PIGG: variants seen among roughly 807,000 people sequenced by gnomAD.
PIGG encodes the protein GPI ethanolamine phosphate transferase 2, catalytic subunit.
A neutral mutation model predicts 83.2 loss-of-function variants in PIGG; 70 were observed. The observed-to-expected ratio is 0.84, with a 90% CI of 0.69 to 1.03. The LOEUF (loss-of-function observed/expected upper bound fraction) is 1.03, where lower values mean the gene tolerates loss of function less well. PIGG is among the 50% of genes least tolerant of loss of function. PIGG has a pLI of 0.00. For synonymous variants in PIGG, 532 were observed against 519.5 expected, an observed-to-expected ratio of 1.02 and a Z score of -0.33; for missense variants, 1,257 against 1,233.6, an observed-to-expected ratio of 1.02 and a Z score of -0.28.
At chr4:536,084 C>A (rs1343948409) in intron 12 of PIGG, among the ~76,000 whole-genome samples, 6 of 152,242 alleles carry the variant, frequency 3.9e-5, no homozygotes, top group Admixed American at 3.9e-4. Context: ...TGTGTTGAGG[C>A]TCTCACAGCA....
intron 11 of PIGG, chr4:532,926 C>T (rs796416958): frequency 8.8e-6 from 1 of 114,222 alleles, no homozygotes; most frequent in African/African-American, 4.2e-5. Context: ...AGAGGTGGGG[C>T]CTAGGAGTGG....
rs749071064 is a variant in PIGG, at chr4:530,729, C to A, written c.2555C>A (p.Ala852Glu). 4 of 1,606,726 alleles carry A rather than the reference C, an allele frequency of 2.5e-6. No homozygotes were observed. In the East Asian group the frequency reaches 8.9e-5, roughly 36 times the overall value. ...GTGATGCATTATTGGTTTGGTCAAG[C>A]ATTCTTCTATTTTCAGGTAGGTTTT... is the stretch of plus-strand genomic sequence containing the variant. ...ITVMHYWFGQAFFYFQGNSNN... is the reference protein window; with the variant it reads ...ITVMHYWFGQEFFYFQGNSNN... Residue 852 changes from alanine to glutamate, a missense_variant, in exon 11 of 13, where the codon GCA becomes GAA. Physicochemically the swap from Ala to Glu is moderately radical, Grantham distance 107. Coordinates refer to ENST00000453061, the MANE Select transcript of PIGG (RefSeq NM_001127178.3).
At chr4:504,590 C>A (rs1047697324) in intron 2 of PIGG, among the ~76,000 whole-genome samples, 2 of 152,118 alleles carry the variant, frequency 1.3e-5, no homozygotes, top group African/African-American at 4.8e-5. Context: ...CTGTGGCATT[C>A]CAGAAGTCTG....
chr4:538,128 A>G (rs1731171287), intron 12 of PIGG, among the ~76,000 whole-genome samples: 1 of 148,216 alleles, frequency 6.7e-6, no homozygotes, highest in African/African-American at 2.6e-5. Flanking sequence ...ACACACCCAG[A>G]CACACACACG....
At chr4:500,188 T>C in intron 1 of PIGG, 1 of 588,618 alleles carries the variant, frequency 1.7e-6, no homozygotes, top group East Asian at 2.9e-5. Flanking sequence ...CACTGCTTGC[T>C]ACTGTGGGTC....
At chr4:525,501 C>G (rs528780020) in intron 9 of PIGG, 6 of 264,264 alleles carry the variant, frequency 2.3e-5, no homozygotes, top group Non-Finnish European at 3.5e-5. Context: ...GAGGGCACTT[C>G]CAGTTAAATG....
rs779237469 is a variant in PIGG, at chr4:523,818, G to A, written c.1974G>A (p.Pro658=). 28 of 1,612,584 alleles carry A rather than the reference G, an allele frequency of 1.7e-5. No homozygotes were observed. Among genetic ancestry groups the A allele is most frequent in the Middle Eastern group, 1.6e-4 (1 of 6,080 alleles). The part of the protein sequence containing the change: ...GREKWMVLAS[P]WLILACCRLL... The stretch of plus-strand genomic sequence containing the variant: ...AGAAGTGGATGGTGCTGGCCAGTCC[G>A]TGGCTAATACTGGCCTGCTGCCGGC... The change falls in exon 9 of 13, where the codon CCG becomes CCA. Residue 658 remains proline, a synonymous_variant. Transcript: ENST00000453061.
intron 12 of PIGG, among the ~76,000 whole-genome samples, chr4:534,692 C>T (rs59231873): frequency 0.18 from 26,809 of 152,042 alleles, 2,771 homozygotes; most frequent in African/African-American, 0.29. Context: ...CTGGCAGCTT[C>T]GTGCAGAAGT....
At chr4:522,833 T>C (rs1331548421) in intron 8 of PIGG, 1 of 153,024 alleles carries the variant, frequency 6.5e-6, no homozygotes, top group Non-Finnish European at 1.5e-5. Flanking sequence ...ACGGCAATAA[T>C]TGAGTCCTCA....
intron 2 of PIGG, 121 bp downstream of exon 2, chr4:500,722 T>A (rs1212585386): frequency 2.5e-5 from 17 of 678,528 alleles, no homozygotes; most frequent in Non-Finnish European, 4.5e-5. Context: ...GTGCTGTCAG[T>A]TGGCTGGGGC....
At chr4:525,726 C>T (rs1014920699) in intron 9 of PIGG, 1 of 152,236 alleles carries the variant, frequency 6.6e-6, no homozygotes, top group Non-Finnish European at 1.5e-5. Flanking sequence ...ACGAAAACCT[C>T]GGTTAGCCAA....
At chr4:534,008 A>T in intron 12 of PIGG, 27 bp downstream of exon 12, 15 of 1,606,316 alleles carry the variant, frequency 9.3e-6, no homozygotes, top group Non-Finnish European at 1.3e-5. Context: ...CCGTCAGCAC[A>T]GTTCTGGGGG....
chr4:532,368 T>TC (rs1011480932), intron 11 of PIGG: 8 of 152,414 alleles, frequency 5.2e-5, no homozygotes, highest in Admixed American at 3.9e-4. Flanking sequence ...GGTGTCCTCC[T>TC]CCCCTGCTCC....
intron 2 of PIGG, 37 bp from the exon 3 acceptor site, chr4:505,681 G>A (rs2108787284): frequency 6.8e-7 from 1 of 1,481,198 alleles, no homozygotes; most frequent in Non-Finnish European, 9.4e-7. Flanking sequence ...TCCGGTTTTG[G>A]ATTCAGTGGC....
intron 9 of PIGG, 161 bp from the exon 10 acceptor site, chr4:526,878 T>C: frequency 1.2e-6 from 1 of 851,018 alleles, no homozygotes; most frequent in East Asian, 2.7e-5. Flanking sequence ...TGTTACACTT[T>C]AAGAACCTTT....
rs749815897 is a variant in PIGG, at chr4:523,501, C to G, written c.1657C>G (p.Leu553Val). Residue 553 changes from leucine to valine, a missense_variant, in exon 9 of 13, where the codon CTT becomes GTT. Coordinates refer to ENST00000453061, the MANE Select transcript of PIGG (RefSeq NM_001127178.3). ...CTCAAGGTGGTCAGAGCTAGACCTTCTTATTCTGTTGGGGACGGCGGGCCA... is the reference window on the plus strand; with the variant it reads ...CTCAAGGTGGTCAGAGCTAGACCTTGTTATTCTGTTGGGGACGGCGGGCCA... Reference protein sequence around the residue: ...PSSRWSELDLLILLGTAGHVL... With the variant: ...PSSRWSELDLVILLGTAGHVL... The G allele has an allele frequency of 1.2e-6, 2 of 1,614,118 alleles. No homozygotes were observed. Among genetic ancestry groups the G allele is most frequent in the Non-Finnish European group, 1.7e-6 (2 of 1,179,982 alleles).
In PIGG at chr4:512,377, C is replaced by T. The variant is rs536935662; in HGVS notation, c.901+3407C>T. On this transcript the variant is annotated intron_variant, in intron 5 of 12. Transcript: ENST00000453061. The stretch of plus-strand genomic sequence containing the variant: ...TGGGATTACAGGCACCCACCACCAC[C>T]GGTTAATTTTTGTATTTTTAGTAGA... Among the ~76,000 whole-genome samples the T allele has an allele frequency of 5.9e-5, 9 of 151,584 alleles. No individual in the cohort carries two copies. In the South Asian group the frequency reaches 6.2e-4, roughly 11 times the overall value.
chr4:531,434 G>A (rs749163869), intron 11 of PIGG: 3 of 153,242 alleles, frequency 2.0e-5, no homozygotes, highest in South Asian at 1.9e-4. Context: ...GAACGTCGTG[G>A]TTGCATTTTG....
chr4:526,957 C>A, intron 9 of PIGG, 82 bp from the exon 10 acceptor site: 1 of 1,458,072 alleles, frequency 6.9e-7, no homozygotes, highest in Non-Finnish European at 9.4e-7. Context: ...TTTTTTAATA[C>A]CGTTCTTTGA....
Sources: gnomAD v4.1 joint callset for allele counts (sites outside exome capture counted in the v4.1 genomes callset) on GRCh38, gnomAD v4.1.1 for gene constraint, MANE v1.5 for transcripts, NCBI Gene and HGNC (gene_info 2026-07-23, HGNC 2026-07-21) for gene names.